Variants in PTGES2 observed in about 807,000 individuals in gnomAD.
The protein encoded by PTGES2 is prostaglandin E synthase 2.
PTGES2 carries 35 observed loss-of-function variants against 44.5 expected under a neutral mutation model. That is an observed-to-expected ratio of 0.79 (90% CI 0.60 to 1.04). The LOEUF is 1.04. PTGES2 is among the 50% of genes least tolerant of loss of function. The pLI is 0.00. For synonymous variants in PTGES2, 221 were observed against 227.5 expected, an observed-to-expected ratio of 0.97 and a Z score of 0.26; for missense variants, 517 against 521.4, an observed-to-expected ratio of 0.99 and a Z score of 0.08.
At chr9:128,121,920 A>C (rs1834424690) in intron 6 of PTGES2, among the ~76,000 whole-genome samples, 1 of 152,034 alleles carries the variant, frequency 6.6e-6, no homozygotes, top group Non-Finnish European at 1.5e-5. Flanking sequence ...CTCAAAAAAA[A>C]AACAAAAACA....
intron 1 of PTGES2, among the ~76,000 whole-genome samples, chr9:128,126,288 A>G (rs10987886): frequency 0.019 from 2,874 of 152,244 alleles, 69 homozygotes; most frequent in East Asian, 0.053. Flanking sequence ...GAAGTCAAGT[A>G]ATGAAGAGTT....
In PTGES2 at chr9:128,127,681, G is replaced by A; in HGVS notation, c.37C>T (p.Pro13Ser). 2 of 1,296,906 alleles carry A rather than the reference G, an allele frequency of 1.5e-6. No individual in the cohort carries two copies. The highest frequency in any genetic ancestry group is 2.0e-6 in the Non-Finnish European group (2 of 1,022,392). 80.3% of individuals were successfully genotyped at this position (1,296,906 alleles called of 1,614,324 possible). A position where few individuals can be genotyped will look rare whatever the true frequency, so the allele number is the denominator to read the frequency against. ...CTCCAGGCCAAGGCGCACCCACCAG[G>A]CCACAGCGCCCGCACCACCCGCGCA... Reference protein sequence around the residue: ...PAARVVRALWPGGCALAWRLG... With the variant: ...PAARVVRALWSGGCALAWRLG... Residue 13 changes from proline (P) to serine (S), a missense_variant, in exon 1 of 7, where the codon CCT becomes TCT. Pro to Ser is a moderately conservative substitution (Grantham distance 74). Coordinates refer to ENST00000338961, the MANE Select transcript of PTGES2 (RefSeq NM_025072.7).
intron 6 of PTGES2, among the ~76,000 whole-genome samples, chr9:128,121,551 G>A (rs1313896067): frequency 2.0e-5 from 3 of 152,154 alleles, no homozygotes; most frequent in Non-Finnish European, 4.4e-5. Flanking sequence ...CAGGTCCTGA[G>A]ATGGGGGAGA....
At chr9:128,126,269 G>T (rs559458502) in intron 1 of PTGES2, among the ~76,000 whole-genome samples, 1 of 152,182 alleles carries the variant, frequency 6.6e-6, no homozygotes, top group Non-Finnish European at 1.5e-5. Flanking sequence ...ATCTGTGGGC[G>T]GGTGGTGGGA....
At chr9:128,127,971 G>C (rs1588076124), upstream of PTGES2, 2 of 447,452 alleles carry the variant, frequency 4.5e-6, no homozygotes, top group Non-Finnish European at 7.9e-6. Flanking sequence ...CTTGGGTAGT[G>C]ACCCGGCCGA....
At position 128,125,433 on chromosome 9, in the gene PTGES2, C is replaced by T; in HGVS notation, c.288G>A (p.Leu96=). The change falls in exon 2 of 7, where the codon CTG becomes CTA. Residue 96 remains leucine, a synonymous_variant. Coordinates refer to ENST00000338961, the MANE Select transcript of PTGES2 (RefSeq NM_025072.7). ...ACAGGGTCAGCTGCAGGCGGCTGGA[C>T]AGGGAGAGCTGCGGGCAGCAGACGG... ...HAERSAAQLS[L]SSRLQLTLYQ... 6.2e-7 allele frequency: 1 copy of T among 1,613,934 alleles called. No homozygotes were observed. The highest frequency in any genetic ancestry group is 2.2e-5 in the East Asian group (1 of 44,884).
Position 128,124,928 on chromosome 9 carries a change from C to T in PTGES2, c.477+316G>A, listed in dbSNP as rs1034927419. 11 of 1,216,288 alleles carry T rather than the reference C, an allele frequency of 9.0e-6. No individual in the cohort carries two copies. The Admixed American group carries it at 1.1e-4, about 12-fold the overall frequency. The allele number at this position is 1,216,288 out of a possible 1,614,324, so 75.3% of individuals were successfully genotyped here. ...CATGAAGCAAGCAAGCGCAGAGAGGCTAAGTGACTTGCCCCAAGTCACACA... is the reference window on the plus strand; with the variant it reads ...CATGAAGCAAGCAAGCGCAGAGAGGTTAAGTGACTTGCCCCAAGTCACACA... On this transcript the variant is annotated intron_variant, in intron 2 of 6. Transcript: ENST00000338961.
At chr9:128,125,481 C>T (rs1000262039) in intron 1 of PTGES2, 40 bp from the exon 2 acceptor site, 4 of 1,598,106 alleles carry the variant, frequency 2.5e-6, no homozygotes, top group East Asian at 2.2e-5. Context: ...GACCTGGCAC[C>T]CCCAGGCCCA....
At chr9:128,125,091 GA>G (rs1247913405) in intron 2 of PTGES2, among the ~76,000 whole-genome samples, 152 bp downstream of exon 2, 25 of 152,302 alleles carry the variant, frequency 1.6e-4, no homozygotes, top group African/African-American at 6.0e-4. Flanking sequence ...TACATTTATT[GA>G]GCATCTACCG....
At chr9:128,124,841 C>T (rs890739321) in intron 2 of PTGES2, 2 of 1,267,658 alleles carry the variant, frequency 1.6e-6, no homozygotes, top group Non-Finnish European at 2.0e-6. Flanking sequence ...AGACCCCAAG[C>T]ACTGTGCCAG....
In PTGES2 at chr9:128,123,162, C is replaced by T. The variant is rs562676943; in HGVS notation, c.687-28G>A. On this transcript the variant is annotated intron_variant, in intron 4 of 6. Transcript: ENST00000338961. This position sits in a 1 kb window ranked among gnomAD's most constrained non-coding sequence, Gnocchi z 4.4. Reference sequence around the variant, plus strand: ...GCGGGCACGGGAGGGACTTCCTAAGCCAGGACCCGGGCTGTGTTGGGAGCA... The same window carrying T: ...GCGGGCACGGGAGGGACTTCCTAAGTCAGGACCCGGGCTGTGTTGGGAGCA... 137 of 1,600,396 alleles carry T rather than the reference C, an allele frequency of 8.6e-5. 2 individuals are homozygous for T. The South Asian group carries it at 1.5e-3, about 17-fold the overall frequency.
At chr9:128,126,518 G>A (rs541272937) in intron 1 of PTGES2, among the ~76,000 whole-genome samples, 1 of 152,264 alleles carries the variant, frequency 6.6e-6, no homozygotes, top group Middle Eastern at 3.4e-3. Context: ...AGTGAAAAAG[G>A]CTTTCCCTTT....
At chr9:128,128,297 G>T (rs533652486), upstream of PTGES2, 3 of 456,024 alleles carry the variant, frequency 6.6e-6, no homozygotes, top group African/African-American at 2.0e-5. Flanking sequence ...CACGCGAAGC[G>T]GCCGGCCCGC....
rs564602291 is a variant in PTGES2 at position 128,121,373 on chromosome 9, C to A, written c.1006-100G>T. The A allele has an allele frequency of 1.6e-3, 2,342 of 1,445,410 alleles. 4 individuals carry two copies. Among genetic ancestry groups the A allele is most frequent in the Non-Finnish European group, 1.9e-3 (2,018 of 1,073,624 alleles). 89.5% of individuals were successfully genotyped at this position (1,445,410 alleles called of 1,614,324 possible). A position where few individuals can be genotyped will look rare whatever the true frequency, so the allele number is the denominator to read the frequency against. On this transcript the variant is annotated intron_variant, in intron 6 of 6. Coordinates refer to ENST00000338961, the MANE Select transcript of PTGES2 (RefSeq NM_025072.7). ...GTGTGGCCAGGTCCCGTCCCCTCCC[C>A]CCTTGGAGCTCGTGACCCACTCAAG...
chr9:128,127,667 G>C lies in PTGES2; in HGVS notation c.51C>G (p.Ala17=). The change falls in exon 1 of 7, where the codon GCC becomes GCG. Residue 17 remains alanine (A), a synonymous_variant. Transcript: ENST00000338961. ...GGCGGCCTCCCAGCCTCCAGGCCAA[G>C]GCGCACCCACCAGGCCACAGCGCCC... ...VVRALWPGGC[A]LAWRLGGRPQ... is the part of the protein sequence containing the mutation. The C allele has an allele frequency of 7.7e-7, 1 of 1,300,304 alleles. No individual in the cohort carries two copies. Among genetic ancestry groups the C allele is most frequent in the Non-Finnish European group, 9.8e-7 (1 of 1,024,254 alleles). 80.5% of individuals were successfully genotyped at this position (1,300,304 alleles called of 1,614,324 possible). A position where few individuals can be genotyped will look rare whatever the true frequency, so the allele number is the denominator to read the frequency against.
chr9:128,121,385 G>A (rs1032563527), intron 6 of PTGES2, 112 bp from the exon 7 acceptor site: 9 of 1,376,698 alleles, frequency 6.5e-6, no homozygotes, highest in African/African-American at 1.4e-5. Flanking sequence ...CTTGGAGCTC[G>A]TGACCCACTC....
intron 2 of PTGES2, 59 bp from the exon 3 acceptor site, chr9:128,124,609 G>C (rs1339376795): frequency 6.5e-7 from 1 of 1,546,864 alleles, no homozygotes; most frequent in African/African-American, 1.4e-5. Flanking sequence ...GGAGTCACCA[G>C]GGGCTCTTTA....
Position 128,125,292 on chromosome 9 carries a change from G to A in PTGES2, c.429C>T (p.Ser143=), listed in dbSNP as rs769011236. 8.7e-6 allele frequency: 14 copies of A among 1,612,166 alleles called. No homozygotes were observed. The highest frequency in any genetic ancestry group is 1.6e-4 in the Middle Eastern group (1 of 6,082). Residue 143 remains serine (S), a synonymous_variant, in exon 2 of 7, where the codon TCC becomes TCT. Transcript: ENST00000338961. ...CCAGGATGGGCACCTTTCTGTAGGAGGAGAACTTGATCTCAGCCCTGCGCA... is the reference window on the plus strand; with the variant it reads ...CCAGGATGGGCACCTTTCTGTAGGAAGAGAACTTGATCTCAGCCCTGCGCA... ...NPVRRAEIKF[S]SYRKVPILVA...
intron 3 of PTGES2, 149 bp downstream of exon 3, chr9:128,124,343 C>T: frequency 1.6e-6 from 1 of 608,286 alleles, no homozygotes; most frequent in East Asian, 3.2e-5. Flanking sequence ...CTCGGCCTCC[C>T]AAAGTGCTGG....
Sources: allele counts gnomAD v4.1 joint callset (sites outside exome capture counted in the v4.1 genomes callset), GRCh38; gene constraint gnomAD v4.1.1; non-coding constraint Gnocchi (gnomAD v3.1); transcripts MANE v1.5; gene names NCBI Gene and HGNC (gene_info 2026-07-23, HGNC 2026-07-21).